CSPG4: variants seen among roughly 807,000 people sequenced by gnomAD.
The protein encoded by CSPG4 is chondroitin sulfate proteoglycan 4.
Under a neutral mutation model 139.3 loss-of-function variants are expected in CSPG4, and 74 were observed. The observed-to-expected ratio is 0.53, with a 90% CI of 0.44 to 0.64. The LOEUF is 0.64. CSPG4 is among the 30% of genes least tolerant of loss of function. CSPG4 has a pLI of 0.00. For synonymous variants in CSPG4, 1,234 were observed against 1,394.2 expected (o/e 0.89, Z 2.56); for missense variants, 2,565 against 3,148.3 (o/e 0.81, Z 4.43).
intron 2 of CSPG4, among the ~76,000 whole-genome samples, chr15:75,692,513 T>C (rs553716487): frequency 5.7e-4 from 87 of 152,310 alleles, no homozygotes; most frequent in African/African-American, 2.0e-3. Flanking sequence ...CTAACAAAGC[T>C]TGTGGTGTCT....
chr15:75,682,507 C>A, intron 7 of CSPG4, 48 bp from the exon 8 acceptor site: 1 of 1,580,458 alleles, frequency 6.3e-7, no homozygotes, highest in South Asian at 1.1e-5. Context: ...GAGCCAGGTC[C>A]AGGCCTGTGT....
chr15:75,712,849 G>C (rs1292482899), upstream of CSPG4: 25 of 1,129,490 alleles, frequency 2.2e-5, no homozygotes, highest in Admixed American at 1.3e-4. Flanking sequence ...TCCTGGGCGC[G>C]GGCCGGCTCC....
In CSPG4 at chr15:75,685,511, G is replaced by T. The variant is rs1894044735; in HGVS notation, c.3980C>A (p.Ala1327Asp). 1.2e-6 allele frequency: 2 copies of T among 1,609,276 alleles called. No individual in the cohort carries two copies. The highest frequency in any genetic ancestry group is 1.7e-6 in the Non-Finnish European group (2 of 1,178,860). The part of the protein sequence containing the change: ...RVLYLHSRPE[A>D]WSDAFSLDVA... ...ATCCAGCGAGAAGGCATCGCTCCAG[G>T]CCTCAGGGCGGGAGTGCAGGTACAG... The change falls in exon 4 of 10, where the codon GCC becomes GAC. Residue 1327 changes from alanine to aspartate, a missense_variant. By Grantham distance (126) the Ala-to-Asp change is moderately radical (BLOSUM62 -2). Transcript: ENST00000308508.
chr15:75,685,724 A>T (rs1361406172), intron 3 of CSPG4, 23 bp from the exon 4 acceptor site: 6 of 1,565,256 alleles, frequency 3.8e-6, no homozygotes, highest in Non-Finnish European at 5.2e-6. Flanking sequence ...GGTCACAAGG[A>T]CTCACAGGGG....
At chr15:75,711,816 C>T (rs1452911733) in intron 1 of CSPG4, among the ~76,000 whole-genome samples, 1 of 152,212 alleles carries the variant, frequency 6.6e-6, no homozygotes, top group Non-Finnish European at 1.5e-5. Context: ...GAGCTGCCTT[C>T]GCTGAAGGAA....
At position 75,689,866 on chromosome 15, in the gene CSPG4, G is replaced by A; in HGVS notation, c.1199C>T (p.Thr400Ile). ...DAYGHYEAFS[T>I]LAPEAWPAME... ...GGCTGGCCAAGCCTCAGGGGCCAGG[G>A]TGGAGAAAGCTTCATAATGTCCATA... is the stretch of plus-strand genomic sequence containing the variant. Residue 400 changes from threonine (T) to isoleucine (I), a missense_variant, in exon 3 of 10, where the codon ACC becomes ATC. Physicochemically the swap from Thr to Ile is moderately conservative, Grantham distance 89. This residue lies in a region of CSPG4 where 2,316 missense variants were observed against 2,818.2 expected (regional missense o/e 0.82). Coordinates refer to ENST00000308508, the MANE Select transcript of CSPG4 (RefSeq NM_001897.5). The A allele has an allele frequency of 1.9e-6, 3 of 1,612,436 alleles. No individual in the cohort carries two copies. Among genetic ancestry groups the A allele is most frequent in the South Asian group, 1.1e-5 (1 of 91,032 alleles).
intron 1 of CSPG4, among the ~76,000 whole-genome samples, chr15:75,709,765 A>C (rs1417113297): frequency 6.6e-6 from 1 of 152,096 alleles, no homozygotes; most frequent in Non-Finnish European, 1.5e-5. Context: ...TCCTGCCGTC[A>C]TCGACAGCCG....
At position 75,676,281 on chromosome 15, in the gene CSPG4, C is replaced by A; in HGVS notation, c.6238G>T (p.Val2080Leu). 1 of 1,590,826 alleles carries A rather than the reference C, an allele frequency of 6.3e-7. No homozygotes were observed. The highest frequency in any genetic ancestry group is 8.5e-7 in the Non-Finnish European group (1 of 1,172,288). Residue 2080 changes from valine to leucine, a missense_variant, in exon 10 of 10, where the codon GTG becomes TTG. Val to Leu is a conservative substitution (Grantham distance 32). Around this residue, in one of 5 missense-constraint regions of CSPG4, gnomAD observed 2,316 missense variants for 2,818.2 expected, o/e 0.82. Transcript: ENST00000308508. ...CCCTCCAGGAGGCGGAAGCGCGGCA[C>A]ACTGCCTGTGCGGTTGGCCAGCTCG... ...AGELANRTGSVPRFRLLEGPR... is the reference protein window; with the variant it reads ...AGELANRTGSLPRFRLLEGPR...
Position 75,687,422 on chromosome 15 carries a change from C to G in CSPG4, c.3643G>C (p.Val1215Leu), listed in dbSNP as rs368042724. Reference sequence around the variant, plus strand: ...TCCGTGTGCACTGGCCCTGCTTCCACGGAGAAGGCCATGGTGTCGCGGGGG... The same window carrying G: ...TCCGTGTGCACTGGCCCTGCTTCCAGGGAGAAGGCCATGGTGTCGCGGGGG... The part of the protein sequence containing the change: ...LSPRDTMAFS[V>L]EAGPVHTDAT... The change falls in exon 3 of 10, where the codon GTG becomes CTG. Residue 1215 changes from valine (V) to leucine (L), a missense_variant. Val to Leu is a conservative substitution (Grantham distance 32). Around this residue, in one of 5 missense-constraint regions of CSPG4, gnomAD observed 2,316 missense variants for 2,818.2 expected, o/e 0.82. Coordinates refer to ENST00000308508, the MANE Select transcript of CSPG4 (RefSeq NM_001897.5). This position sits in a 1 kb window ranked among gnomAD's most constrained non-coding sequence, Gnocchi z 5.4. 5.0e-6 allele frequency: 8 copies of G among 1,612,848 alleles called. No homozygotes were observed. The East Asian group carries it at 1.8e-4, about 36-fold the overall frequency.
rs1364148144 is a variant in CSPG4 at position 75,696,088 on chromosome 15, G to A, written c.89-2855C>T. 6.6e-6 allele frequency among the ~76,000 whole-genome samples: 1 copy of A among 152,166 alleles called. No homozygotes were observed. The highest frequency in any genetic ancestry group is 1.5e-5 in the Non-Finnish European group (1 of 68,030). The stretch of plus-strand genomic sequence containing the variant: ...TTCATCAAAACAGCAGACCAAACCT[G>A]TAGCAGCCCCATGGGCTGCCCTCTG... On this transcript the variant is annotated intron_variant, in intron 1 of 9. Transcript: ENST00000308508. This position sits in a 1 kb window ranked among gnomAD's most constrained non-coding sequence, Gnocchi z 4.2.
At chr15:75,684,991 A>T (rs1232853915) in intron 4 of CSPG4, 79 bp from the exon 5 acceptor site, 9 of 1,432,008 alleles carry the variant, frequency 6.3e-6, no homozygotes, top group Middle Eastern at 1.8e-4. Flanking sequence ...GAGGAGACTG[A>T]CTCTTTTAGG....
chr15:75,701,311 A>G (rs1251764298), intron 1 of CSPG4, among the ~76,000 whole-genome samples: 1 of 152,196 alleles, frequency 6.6e-6, no homozygotes, highest in East Asian at 1.9e-4. Flanking sequence ...AAAGGATCAA[A>G]TGAGATGGCA....
intron 1 of CSPG4, among the ~76,000 whole-genome samples, chr15:75,701,183 C>G (rs912348690): frequency 6.6e-6 from 1 of 152,220 alleles, no homozygotes; most frequent in African/African-American, 2.4e-5. Flanking sequence ...ACAGGTCTAG[C>G]CAGACTGGAA....
intron 1 of CSPG4, among the ~76,000 whole-genome samples, chr15:75,702,470 C>G (rs1266799683): frequency 6.6e-6 from 1 of 152,262 alleles, no homozygotes; most frequent in Non-Finnish European, 1.5e-5. Flanking sequence ...ACACTGTGAG[C>G]CTTGGGGACA....
In CSPG4 at chr15:75,675,345, CG is replaced by C; in HGVS notation, c.*204del. The C allele has an allele frequency of 2.2e-6, 1 of 464,420 alleles. No individual in the cohort carries two copies. Among genetic ancestry groups the C allele is most frequent in the Non-Finnish European group, 3.5e-6 (1 of 286,462 alleles). 28.8% of individuals were successfully genotyped at this position (464,420 alleles called of 1,614,324 possible). On this transcript the variant is annotated 3_prime_UTR_variant, in exon 10 of 10. Coordinates refer to ENST00000308508, the MANE Select transcript of CSPG4 (RefSeq NM_001897.5). The stretch of plus-strand genomic sequence containing the variant: ...CTTGGCCCCTGCAGTTCTCCAGGCT[CG>C]GAGTGAGCTGAGGGAGGTTCCAGCT...
chr15:75,675,726 G>A lies in CSPG4; in HGVS notation c.6793C>T (p.Arg2265Cys), dbSNP rs774145739. ...HDVQVLTAKP[R>C]NGLAGDTETF... ...TCGGTGTCACCAGCCAGGCCGTTGC[G>A]GGGCTTGGCAGTCAGGACCTGGACG... The change falls in exon 10 of 10, where the codon CGC becomes TGC. Residue 2265 changes from arginine (R) to cysteine (C), a missense_variant. This residue lies in a region of CSPG4 where 2,316 missense variants were observed against 2,818.2 expected (regional missense o/e 0.82). Transcript: ENST00000308508. 4.0e-5 allele frequency: 63 copies of A among 1,594,774 alleles called. No individual in the cohort carries two copies. Among genetic ancestry groups the A allele is most frequent in the Middle Eastern group, 3.3e-4 (2 of 5,972 alleles).
In CSPG4 at chr15:75,676,376, T is replaced by A; in HGVS notation, c.6143A>T (p.His2048Leu). The A allele has an allele frequency of 1.2e-6, 2 of 1,613,484 alleles. No homozygotes were observed. Among genetic ancestry groups the A allele is most frequent in the Non-Finnish European group, 1.7e-6 (2 of 1,180,026 alleles). Residue 2048 changes from histidine to leucine, a missense_variant, in exon 10 of 10, where the codon CAT becomes CTT. This residue lies in a region of CSPG4 where 2,316 missense variants were observed against 2,818.2 expected (regional missense o/e 0.82). Coordinates refer to ENST00000308508, the MANE Select transcript of CSPG4 (RefSeq NM_001897.5). ...GGGCCATGGCCCACCTGCCCACACA[T>A]GCAGCAGAGCCCTCACAGTGACGTT... ...VVNVTVRALL[H>L]VWAGGPWPQG... is the part of the protein sequence containing the mutation.
rs113584322 is a variant in CSPG4, at chr15:75,687,473, G to T, written c.3592C>A (p.Leu1198Ile). 92 of 1,612,378 alleles carry T rather than the reference G, an allele frequency of 5.7e-5. No homozygotes were observed. Among genetic ancestry groups the T allele is most frequent in the Non-Finnish European group, 7.0e-5 (82 of 1,179,616 alleles). ...SQQDLLDGAV[L>I]YSHNGSLSPR... ...CTGAGGCTGCCATTGTGGCTATAGA[G>T]AACGGCCCCATCCAGCAGGTCCTGC... Residue 1198 changes from leucine to isoleucine, a missense_variant, in exon 3 of 10, where the codon CTC (leucine) becomes ATC (isoleucine). Coordinates refer to ENST00000308508, the MANE Select transcript of CSPG4 (RefSeq NM_001897.5). The surrounding 1 kb of genome is among the most constrained non-coding windows in gnomAD (Gnocchi z 5.4).
At position 75,693,290 on chromosome 15, in the gene CSPG4, G is replaced by C. The variant is rs943368850; in HGVS notation, c.89-57C>G. On this transcript the variant is annotated intron_variant, in intron 1 of 9. Coordinates refer to ENST00000308508, the MANE Select transcript of CSPG4 (RefSeq NM_001897.5). ...CAGACTCTTGCCTGGAGGAGGCGAG[G>C]TGCCGCAAAGAGGGACGGGTGGGTT... is the stretch of plus-strand genomic sequence containing the variant. 2.9e-6 allele frequency: 4 copies of C among 1,376,686 alleles called. No individual in the cohort carries two copies. In the African/African-American group the frequency reaches 5.7e-5, roughly 20 times the overall value. The allele number at this position is 1,376,686 out of a possible 1,614,324, so 85.3% of individuals were successfully genotyped here.
Sources: gnomAD v4.1 joint callset for allele counts (sites outside exome capture counted in the v4.1 genomes callset) on GRCh38, gnomAD v4.1.1 for gene constraint, gnomAD v4.1.1 regional missense constraint, Gnocchi (gnomAD v3.1) non-coding constraint, MANE v1.5 for transcripts, NCBI Gene and HGNC (gene_info 2026-07-23, HGNC 2026-07-21) for gene names.